Variants in DLC1 observed in about 807,000 individuals in gnomAD.
The protein encoded by DLC1 is DLC1 Rho GTPase activating protein.
A neutral mutation model predicts 140.3 loss-of-function variants in DLC1; 54 were observed. The observed-to-expected ratio is 0.38, with a 90% CI of 0.31 to 0.48. DLC1 has a LOEUF of 0.48. Among genes scored for constraint, DLC1 ranks in the 20% least tolerant of loss-of-function variants. The pLI is 0.96. For synonymous variants in DLC1, 986 were observed against 728.1 expected (o/e 1.35, Z -5.70); for missense variants, 2,536 against 1,907.0 (o/e 1.33, Z -6.14).
intron 2 of DLC1, among the ~76,000 whole-genome samples, chr8:13,426,934 A>G (rs919034917): frequency 6.6e-6 from 1 of 152,028 alleles, no homozygotes; most frequent in Non-Finnish European, 1.5e-5. Flanking sequence ...AGTTTTTGTT[A>G]ATGTTGTCAA....
chr8:13,114,738 C>T (rs576257658), intron 6 of DLC1, among the ~76,000 whole-genome samples: 55 of 152,070 alleles, frequency 3.6e-4, no homozygotes, highest in Middle Eastern at 3.4e-3. Flanking sequence ...CAAATGTGGC[C>T]GAGTGACATG....
chr8:13,468,333 C>CTTT, intron 2 of DLC1, among the ~76,000 whole-genome samples: 1 of 97,306 alleles, frequency 1.0e-5, no homozygotes. Context: ...CTTTCCCTTC[C>CTTT]CCCCATTCCC....
Position 13,085,647 on chromosome 8 carries a change from G to A in DLC1, c.*164C>T, listed in dbSNP as rs1817488760. ...TATGAATACAGACCCTCAACAAACA[G>A]GAAGCAGCTTTAAAAATGTATCAAA... On this transcript the variant is annotated 3_prime_UTR_variant, in exon 18 of 18. Transcript: ENST00000276297. The A allele has an allele frequency of 5.6e-6, 6 of 1,066,358 alleles. No homozygotes were observed. In the East Asian group the frequency reaches 1.0e-4, roughly 18 times the overall value. 66.1% of individuals were successfully genotyped at this position (1,066,358 alleles called of 1,614,324 possible).
chr8:13,331,999 T>C (rs556565623), intron 4 of DLC1, among the ~76,000 whole-genome samples: 6 of 152,326 alleles, frequency 3.9e-5, no homozygotes, highest in African/African-American at 1.4e-4. Flanking sequence ...CCATGTTAGG[T>C]TGATGTCAGC....
chr8:13,211,385 G>A (rs1357119480), intron 5 of DLC1, among the ~76,000 whole-genome samples: 1 of 152,076 alleles, frequency 6.6e-6, no homozygotes, highest in African/African-American at 2.4e-5. Flanking sequence ...GGGTAGCCCT[G>A]CTCTGTCTAT....
intron 5 of DLC1, among the ~76,000 whole-genome samples, chr8:13,253,677 G>C (rs1267829696): frequency 6.6e-6 from 1 of 152,184 alleles, no homozygotes; most frequent in East Asian, 1.9e-4. Context: ...CTTAATCTTA[G>C]CAAGTCCTGG....
rs970442477 is a variant in DLC1, at chr8:13,100,536, C to T, written c.1801G>A (p.Gly601Ser). The change falls in exon 9 of 18, where the codon GGC (glycine) becomes AGC (serine). Residue 601 changes from glycine (G) to serine (S), a missense_variant. Transcript: ENST00000276297. ...VSSVRSLSST[G>S]SLPSHAPPSE... ...GGGGGCGCGTGGCTGGGGAGGCTGC[C>T]AGTGCTGCTGAGGCTGCGGACGGAA... The T allele has an allele frequency of 6.2e-7, 1 of 1,612,984 alleles. No homozygotes were observed. The highest frequency in any genetic ancestry group is 8.5e-7 in the Non-Finnish European group (1 of 1,179,866).
At chr8:13,133,034 G>T (rs1822254043) in intron 5 of DLC1, 1 of 1,584,880 alleles carries the variant, frequency 6.3e-7, no homozygotes, top group Non-Finnish European at 8.6e-7. Flanking sequence ...GCAGGCGGAG[G>T]CGGCTCGGCT....
intron 2 of DLC1, among the ~76,000 whole-genome samples, chr8:13,409,387 G>A (rs1374752993): frequency 2.0e-5 from 3 of 152,036 alleles, no homozygotes; most frequent in Non-Finnish European, 4.4e-5. Context: ...TCTCAAATAT[G>A]TCATCCTCTC....
chr8:13,389,566 CA>C, intron 4 of DLC1, among the ~76,000 whole-genome samples: 1 of 152,170 alleles, frequency 6.6e-6, no homozygotes, highest in Admixed American at 6.5e-5. Context: ...TTTTAACTTT[CA>C]TTTTTTTATG....
rs183482556 is a variant in DLC1, at chr8:13,273,925, G to A, written c.1348+31344C>T. Among the ~76,000 whole-genome samples the A allele has an allele frequency of 7.0e-3, 1,068 of 152,210 alleles. 1 individual carries two copies. Among genetic ancestry groups the A allele is most frequent in the Admixed American group, 0.012 (178 of 15,282 alleles). ...AGTCAGGAAGGCAATAATCATCACC[G>A]AAATAACATTCTAGCTACTATTAAC... On this transcript the variant is annotated intron_variant, in intron 5 of 17. Coordinates refer to ENST00000276297, the MANE Select transcript of DLC1 (RefSeq NM_182643.3).
rs534806353 is a variant in DLC1 at position 13,510,596 on chromosome 8, C to T, written c.-126+4006G>A. ...AAAAAGCAGAAACTCAAAGTAGTTA[C>T]GGGGCAAACATCAAATCACAGAGCG... On this transcript the variant is annotated intron_variant, in intron 1 of 17. Transcript: ENST00000276297. Among the ~76,000 whole-genome samples the T allele has an allele frequency of 1.1e-3, 173 of 152,242 alleles. 2 individuals are homozygous for T. The South Asian group carries it at 0.026, about 23-fold the overall frequency.
intron 1 of DLC1, among the ~76,000 whole-genome samples, chr8:13,503,200 T>C (rs1801899377): frequency 6.6e-6 from 1 of 151,974 alleles, no homozygotes; most frequent in Admixed American, 6.6e-5. Flanking sequence ...AGCCAGGAGT[T>C]TCAGACCAGC....
chr8:13,300,207 TCA>T (rs764549246), intron 5 of DLC1, among the ~76,000 whole-genome samples: 14 of 152,076 alleles, frequency 9.2e-5, no homozygotes, highest in Non-Finnish European at 1.6e-4. Flanking sequence ...CCTCATATTC[TCA>T]CTTATAAGTA....
rs749191687 is a variant in DLC1, at chr8:13,514,675, G to A, written c.-199C>T. The A allele has an allele frequency of 6.2e-4, 246 of 398,594 alleles. 2 individuals are homozygous for A. In the Middle Eastern group the frequency reaches 8.2e-3, roughly 13 times the overall value. The allele number at this position is 398,594 out of a possible 1,614,324, so 24.7% of individuals were successfully genotyped here. A position where few individuals can be genotyped will look rare whatever the true frequency, so the allele number is the denominator to read the frequency against. On this transcript the variant is annotated 5_prime_UTR_variant, in exon 1 of 18. The change creates a new upstream start codon in the 5' untranslated region. Coordinates refer to ENST00000276297, the MANE Select transcript of DLC1 (RefSeq NM_182643.3). Reference sequence around the variant, plus strand: ...CAGGCTAGGAAAGAAGTCCGTCCCCGTTAGTTTCTCCAAAATCTAAGTTCC... The same window carrying A: ...CAGGCTAGGAAAGAAGTCCGTCCCCATTAGTTTCTCCAAAATCTAAGTTCC...
intron 2 of DLC1, among the ~76,000 whole-genome samples, chr8:13,409,384 T>C (rs1837692943): frequency 6.6e-6 from 1 of 152,172 alleles, no homozygotes; most frequent in East Asian, 1.9e-4. Context: ...GTCTCTCAAA[T>C]ATGTCATCCT....
chr8:13,221,919 TA>T (rs925402609), intron 5 of DLC1, among the ~76,000 whole-genome samples: 4 of 144,816 alleles, frequency 2.8e-5, no homozygotes, highest in Non-Finnish European at 6.0e-5. Context: ...TATTAGTATA[TA>T]AAAAGTTATA....
At chr8:13,306,027 T>C (rs1212288385) in intron 4 of DLC1, among the ~76,000 whole-genome samples, 1 of 152,216 alleles carries the variant, frequency 6.6e-6, no homozygotes, top group East Asian at 1.9e-4. Context: ...ATCTTACCTC[T>C]CAAGGCTCAG....
chr8:13,435,235 C>G (rs1839065428), intron 2 of DLC1, among the ~76,000 whole-genome samples: 1 of 152,192 alleles, frequency 6.6e-6, no homozygotes, highest in Admixed American at 6.5e-5. Flanking sequence ...ATCCCCACAA[C>G]TAGAATTAGA....
Sources: gnomAD v4.1 joint callset for allele counts (sites outside exome capture counted in the v4.1 genomes callset) on GRCh38, gnomAD v4.1.1 for gene constraint, MANE v1.5 for transcripts, NCBI Gene and HGNC (gene_info 2026-07-23, HGNC 2026-07-21) for gene names.